Variants in SOX13 observed in about 807,000 individuals in gnomAD.
SOX13 encodes the protein SRY-box transcription factor 13.
Under a neutral mutation model 71.8 loss-of-function variants are expected in SOX13, and 28 were observed. The observed-to-expected ratio is 0.39, with a 90% CI of 0.29 to 0.53. The LOEUF (loss-of-function observed/expected upper bound fraction) is 0.53, where lower values mean the gene tolerates loss of function less well. SOX13 is among the 20% of genes least tolerant of loss of function. SOX13 has a pLI of 0.70. For missense variants in SOX13, 627 were observed against 810.3 expected (o/e 0.77, Z 2.75); for synonymous variants, 309 against 317.8 (o/e 0.97, Z 0.29).
At chr1:204,113,532 A>C (rs1488047824) in intron 2 of SOX13, among the ~76,000 whole-genome samples, 1 of 152,242 alleles carries the variant, frequency 6.6e-6, no homozygotes, top group Non-Finnish European at 1.5e-5. Context: ...TCACTGTTAA[A>C]GATGATACGG....
chr1:204,099,365 A>C (rs901931785), intron 1 of SOX13, among the ~76,000 whole-genome samples: 1 of 143,704 alleles, frequency 7.0e-6, no homozygotes, highest in African/African-American at 2.5e-5. Context: ...TGAGAGGTGG[A>C]TTCTGATGCT....
In SOX13 at chr1:204,123,632, G is replaced by A. The variant is rs1656857648; in HGVS notation, c.1232-29G>A. The A allele has an allele frequency of 1.2e-6, 2 of 1,607,676 alleles. No homozygotes were observed. The highest frequency in any genetic ancestry group is 3.4e-5 in the Admixed American group (2 of 59,456). ...GCACTCTCCTGACCCCAGACAGGCTGCTTGGCTGACTTCACTCCTGTCTCC... is the reference window on the plus strand; with the variant it reads ...GCACTCTCCTGACCCCAGACAGGCTACTTGGCTGACTTCACTCCTGTCTCC... On this transcript the variant is annotated intron_variant, in intron 11 of 13. Coordinates refer to ENST00000367204, the MANE Select transcript of SOX13 (RefSeq NM_005686.3). This position sits in a 1 kb window ranked among gnomAD's most constrained non-coding sequence, Gnocchi z 5.0.
At chr1:204,091,939 T>C (rs1390915289) in intron 1 of SOX13, among the ~76,000 whole-genome samples, 2 of 152,226 alleles carry the variant, frequency 1.3e-5, no homozygotes, top group African/African-American at 4.8e-5. Context: ...CATTTGTTTG[T>C]TCTTTTGTTC....
chr1:204,122,441 G>C, intron 9 of SOX13, 42 bp downstream of exon 9: 1 of 1,520,372 alleles, frequency 6.6e-7, no homozygotes, highest in Non-Finnish European at 8.9e-7. Context: ...AGCCCTCTTA[G>C]GGGAGAGCCG....
intron 1 of SOX13, among the ~76,000 whole-genome samples, chr1:204,105,368 G>A (rs1388957759): frequency 1.1e-4 from 16 of 152,050 alleles, no homozygotes; most frequent in South Asian, 6.2e-4. Flanking sequence ...CAGAGATGCC[G>A]CTTAGCGCCC....
chr1:204,090,286 G>C (rs1656114701), intron 1 of SOX13, among the ~76,000 whole-genome samples: 1 of 152,158 alleles, frequency 6.6e-6, no homozygotes, highest in Non-Finnish European at 1.5e-5. Flanking sequence ...CAGCTGTGAG[G>C]TTTGAACTAT....
At chr1:204,124,333 T>G (rs1053865452) in intron 12 of SOX13, among the ~76,000 whole-genome samples, 17 of 152,214 alleles carry the variant, frequency 1.1e-4, no homozygotes, top group African/African-American at 4.1e-4. Context: ...GTTGAAGGTC[T>G]GAGGTGGCTG....
chr1:204,125,411 G>A (rs1322885713), intron 13 of SOX13, among the ~76,000 whole-genome samples: 1 of 152,048 alleles, frequency 6.6e-6, no homozygotes, highest in African/African-American at 2.4e-5. Context: ...AATAAAATTA[G>A]CCAGGTGTGG....
intron 1 of SOX13, among the ~76,000 whole-genome samples, chr1:204,104,859 G>T (rs993410527): frequency 2.0e-5 from 3 of 151,584 alleles, no homozygotes; most frequent in African/African-American, 4.9e-5. Context: ...GTGGGGGAAG[G>T]CTGTCGTTGT....
At chr1:204,097,640 G>A (rs1284568668) in intron 1 of SOX13, among the ~76,000 whole-genome samples, 2 of 147,276 alleles carry the variant, frequency 1.4e-5, no homozygotes, top group Non-Finnish European at 3.0e-5. Context: ...GCAGTGAGCC[G>A]AGATTGCGCC....
chr1:204,088,661 C>A (rs983396368), intron 1 of SOX13, among the ~76,000 whole-genome samples: 1 of 152,058 alleles, frequency 6.6e-6, no homozygotes, highest in African/African-American at 2.4e-5. Flanking sequence ...GGGTAGGGGT[C>A]ATTCCTGCTG....
chr1:204,074,703 C>T (rs938821237), intron 1 of SOX13, among the ~76,000 whole-genome samples: 1 of 152,182 alleles, frequency 6.6e-6, no homozygotes, highest in African/African-American at 2.4e-5. Flanking sequence ...CAGTACCGGG[C>T]GGGGCGGTGA....
chr1:204,122,915 C>G lies in SOX13; in HGVS notation c.1086C>G (p.His362Gln), dbSNP rs1290245270. The G allele has an allele frequency of 6.3e-7, 1 of 1,589,950 alleles. No individual in the cohort carries two copies. The highest frequency in any genetic ancestry group is 2.3e-5 in the East Asian group (1 of 43,348). The change falls in exon 10 of 14, where the codon CAC becomes CAG. Residue 362 changes from histidine to glutamine, a missense_variant. Around this residue, in one of 3 missense-constraint regions of SOX13, gnomAD observed 447 missense variants for 532.2 expected, o/e 0.84. Coordinates refer to ENST00000367204, the MANE Select transcript of SOX13 (RefSeq NM_005686.3). ...TCCAGGATGCTCGGCAGCTGCTGCA[C>G]AGCCACAGTGGGGCCTTGGATGGCT... ...KAIQDARQLL[H>Q]SHSGALDGSP...
At chr1:204,091,574 C>A (rs1201972450) in intron 1 of SOX13, among the ~76,000 whole-genome samples, 1 of 152,180 alleles carries the variant, frequency 6.6e-6, no homozygotes, top group Non-Finnish European at 1.5e-5. Flanking sequence ...TGAAACAGTT[C>A]ATTGTGGGAA....
intron 9 of SOX13, 186 bp downstream of exon 9, chr1:204,122,585 A>C: frequency 1.6e-6 from 1 of 610,168 alleles, no homozygotes; most frequent in Non-Finnish European, 2.9e-6. Flanking sequence ...GGGCATTCCA[A>C]GCATCAGGGA....
At position 204,123,140 on chromosome 1, in the gene SOX13, C is replaced by A; in HGVS notation, c.1163C>A (p.Ala388Asp). Residue 388 changes from alanine to aspartate, a missense_variant, in exon 11 of 14, where the codon GCC (alanine) becomes GAC (aspartate). Physicochemically the swap from Ala to Asp is moderately radical, Grantham distance 126. Coordinates refer to ENST00000367204, the MANE Select transcript of SOX13 (RefSeq NM_005686.3). The surrounding 1 kb of genome is among the most constrained non-coding windows in gnomAD (Gnocchi z 5.0). ...CTCATCAGCCTGGACTCATCCCCAG[C>A]CAAGGAGCGGCTGGAGGACGGCTGT... ...KDLISLDSSP[A>D]KERLEDGCVH... 1 of 1,613,796 alleles carries A rather than the reference C, an allele frequency of 6.2e-7. No individual in the cohort carries two copies. The highest frequency in any genetic ancestry group is 8.5e-7 in the Non-Finnish European group (1 of 1,179,772).
intron 1 of SOX13, among the ~76,000 whole-genome samples, chr1:204,091,031 G>T (rs1013609314): frequency 3.3e-5 from 5 of 152,184 alleles, no homozygotes; most frequent in African/African-American, 4.8e-5. Flanking sequence ...ATCTGTCAGA[G>T]AACTTTCAGA....
intron 1 of SOX13, among the ~76,000 whole-genome samples, chr1:204,076,595 G>A (rs1468164362): frequency 6.6e-6 from 1 of 152,212 alleles, no homozygotes; most frequent in African/African-American, 2.4e-5. Context: ...GCATAGCACA[G>A]GTAAGGGGCG....
At chr1:204,097,529 T>C (rs1035849640) in intron 1 of SOX13, among the ~76,000 whole-genome samples, 2 of 151,866 alleles carry the variant, frequency 1.3e-5, no homozygotes, top group Non-Finnish European at 2.9e-5. Flanking sequence ...CTGTCTCTAC[T>C]AAAAATACAA....
Sources: gnomAD v4.1 joint callset for allele counts (sites outside exome capture counted in the v4.1 genomes callset) on GRCh38, gnomAD v4.1.1 for gene constraint, gnomAD v4.1.1 regional missense constraint, Gnocchi (gnomAD v3.1) non-coding constraint, MANE v1.5 for transcripts, NCBI Gene and HGNC (gene_info 2026-07-23, HGNC 2026-07-21) for gene names.